The following CLNK variants were observed in gnomAD, a reference collection of about 807,000 sequenced individuals.
CLNK encodes the protein cytokine-dependent hematopoietic cell linker.
In CLNK, 74 loss-of-function variants were observed where a neutral mutation model predicts 68.6. The ratio of observed to expected loss-of-function variants is 1.08; its 90% CI spans 0.89 to 1.31. CLNK has a LOEUF of 1.31. Ranked by LOEUF, CLNK falls within the 50% of genes most tolerant of loss-of-function variation. The pLI is 0.00. For missense variants in CLNK, 553 were observed against 515.3 expected, an observed-to-expected ratio of 1.07 and a Z score of -0.71; for synonymous variants, 198 against 172.2, an observed-to-expected ratio of 1.15 and a Z score of -1.17.
chr4:10,569,002 A>G (rs17467539), intron 5 of CLNK, among the ~76,000 whole-genome samples: 9,289 of 152,232 alleles, frequency 0.061, 333 homozygotes, highest in Middle Eastern at 0.099. Context: ...AAAATGTGAC[A>G]CTATCACAGT....
intron 8 of CLNK, among the ~76,000 whole-genome samples, chr4:10,552,708 A>G (rs919201343): frequency 2.6e-5 from 4 of 152,034 alleles, no homozygotes; most frequent in Admixed American, 1.3e-4. Context: ...CCGCTGACCT[A>G]TGAGCTTTGA....
chr4:10,687,204 G>GAAA (rs57990237), upstream of CLNK, among the ~76,000 whole-genome samples: 5,702 of 140,256 alleles, frequency 0.041, 148 homozygotes, highest in Middle Eastern at 0.074. Context: ...ATATAGAGGT[G>GAAA]AAAAAAAAAA....
intron 12 of CLNK, among the ~76,000 whole-genome samples, chr4:10,530,606 C>A (rs1718496670): frequency 6.6e-6 from 1 of 152,182 alleles, no homozygotes; most frequent in African/African-American, 2.4e-5. Flanking sequence ...ACATTTCCTG[C>A]CATCTAAGGC....
intron 2 of CLNK, among the ~76,000 whole-genome samples, chr4:10,635,562 T>C (rs1009645710): frequency 5.9e-5 from 9 of 152,166 alleles, no homozygotes; most frequent in African/African-American, 2.2e-4. Context: ...ATAAAGCTGA[T>C]ACTGCAGAGT....
chr4:10,731,739 C>T, the CLNK span, among the ~76,000 whole-genome samples: 2 of 152,166 alleles, frequency 1.3e-5, no homozygotes, highest in African/African-American at 4.8e-5. Flanking sequence ...ATTCTGCTCT[C>T]ATGGAGGGCA....
At chr4:10,610,187 G>T (rs1721956951) in intron 2 of CLNK, among the ~76,000 whole-genome samples, 2 of 149,856 alleles carry the variant, frequency 1.3e-5, no homozygotes, top group Admixed American at 6.6e-5. Context: ...CTCCCGAGTA[G>T]CTGGGACTAC....
rs1323053227 is a variant in CLNK at position 10,561,983 on chromosome 4, T to C, written c.399+2688A>G. ...ACCATGGTAGGTGTTGGGGCTAAAATAGCACCTGACCTCATGGAGATGTCC... is the reference window on the plus strand; with the variant it reads ...ACCATGGTAGGTGTTGGGGCTAAAACAGCACCTGACCTCATGGAGATGTCC... On this transcript the variant is annotated intron_variant, in intron 7 of 18. Transcript: ENST00000226951. Among the ~76,000 whole-genome samples, 5 of 152,274 alleles carry C rather than the reference T, an allele frequency of 3.3e-5. No homozygotes were observed. The East Asian group carries it at 9.6e-4, about 29-fold the overall frequency.
chr4:10,577,304 G>A (rs1223562376), intron 4 of CLNK, among the ~76,000 whole-genome samples: 2 of 152,188 alleles, frequency 1.3e-5, no homozygotes, highest in Non-Finnish European at 2.9e-5. Flanking sequence ...CAAATCTGCA[G>A]GTTGCCAGCT....
the CLNK span, among the ~76,000 whole-genome samples, chr4:10,715,515 C>G: frequency 6.6e-6 from 1 of 152,156 alleles, no homozygotes; most frequent in African/African-American, 2.4e-5. Context: ...TGTAAGGGAT[C>G]CAGTGTACTC....
intron 8 of CLNK, among the ~76,000 whole-genome samples, chr4:10,544,714 T>C (rs565643060): frequency 2.6e-5 from 4 of 152,276 alleles, no homozygotes; most frequent in African/African-American, 9.6e-5. Context: ...TCAGTTCATT[T>C]TTCTGTTGCT....
At chr4:10,642,432 A>C (rs528425836) in intron 2 of CLNK, among the ~76,000 whole-genome samples, 30 of 152,268 alleles carry the variant, frequency 2.0e-4, no homozygotes, top group Non-Finnish European at 3.5e-4. Flanking sequence ...TTTTTTCTGG[A>C]GAGTCATTTA....
Position 10,627,298 on chromosome 4 carries a change from C to T in CLNK, c.12-29249G>A, listed in dbSNP as rs116590428. ...AGAACAGGAAGCACATCCCACACAC[C>T]TCAAAGCCTGGCCCTGCACCAGGAC... is the stretch of plus-strand genomic sequence containing the variant. On this transcript the variant is annotated intron_variant, in intron 2 of 18. Transcript: ENST00000226951. Among the ~76,000 whole-genome samples the T allele has an allele frequency of 2.0e-3, 301 of 152,286 alleles. 2 individuals carry two copies. The highest frequency in any genetic ancestry group is 6.9e-3 in the African/African-American group (288 of 41,562).
chr4:10,540,331 C>A (rs528187032), intron 11 of CLNK, among the ~76,000 whole-genome samples, 163 bp downstream of exon 11: 1 of 152,304 alleles, frequency 6.6e-6, no homozygotes, highest in African/African-American at 2.4e-5. Flanking sequence ...AACCTCTTTT[C>A]TTTATAAATT....
intron 2 of CLNK, among the ~76,000 whole-genome samples, chr4:10,609,160 C>T (rs1034091081): frequency 6.6e-6 from 1 of 152,236 alleles, no homozygotes; most frequent in Non-Finnish European, 1.5e-5. Context: ...AGCCAATGAG[C>T]AAGGGGCTCT....
chr4:10,686,280 T>C (rs536658409), upstream of CLNK, among the ~76,000 whole-genome samples: 8 of 152,236 alleles, frequency 5.3e-5, no homozygotes, highest in South Asian at 1.2e-3. Context: ...CAATTTTAAC[T>C]TGATTACCTC....
chr4:10,714,846 A>T, the CLNK span, among the ~76,000 whole-genome samples: 1 of 152,206 alleles, frequency 6.6e-6, no homozygotes, highest in African/African-American at 2.4e-5. Flanking sequence ...TACATTATAC[A>T]TTCTGACATC....
intron 3 of CLNK, among the ~76,000 whole-genome samples, chr4:10,589,020 A>G (rs1211324489): frequency 3.3e-5 from 5 of 152,178 alleles, no homozygotes; most frequent in Non-Finnish European, 5.9e-5. Context: ...TGGACAGCAT[A>G]GTGCCTACAC....
the CLNK span, among the ~76,000 whole-genome samples, chr4:10,720,980 C>T: frequency 6.6e-6 from 1 of 151,858 alleles, no homozygotes; most frequent in Non-Finnish European, 1.5e-5. Flanking sequence ...ACATACTACT[C>T]AACAATACAA....
At chr4:10,697,719 T>A in the CLNK span, 1 of 152,212 alleles carries the variant, frequency 6.6e-6, no homozygotes, top group Admixed American at 6.5e-5. Flanking sequence ...TAGCTCCTCC[T>A]TGGTGAAGCT....
Sources: gnomAD v4.1 joint callset for allele counts (sites outside exome capture counted in the v4.1 genomes callset) on GRCh38, gnomAD v4.1.1 for gene constraint, MANE v1.5 for transcripts, NCBI Gene and HGNC (gene_info 2026-07-23, HGNC 2026-07-21) for gene names.